ATP13A4: variants seen among roughly 807,000 people sequenced by gnomAD.
The protein encoded by ATP13A4 is ATPase 13A4, also known as probable cation-transporting ATPase 13A4.
A neutral mutation model predicts 142.5 loss-of-function variants in ATP13A4; 114 were observed. The ratio of observed to expected loss-of-function variants is 0.80; its 90% confidence interval spans 0.69 to 0.93. ATP13A4 has a LOEUF of 0.93. Ranked by LOEUF, ATP13A4 falls within the 40% of genes least tolerant of loss-of-function variation. The pLI is 0.00. For missense variants in ATP13A4, 1,392 were observed against 1,454.0 expected (o/e 0.96, Z 0.69); for synonymous variants, 488 against 514.8 (o/e 0.95, Z 0.70).
chr3:193,438,072 T>A (rs1309411558), intron 23 of ATP13A4, among the ~76,000 whole-genome samples: 2 of 152,130 alleles, frequency 1.3e-5, no homozygotes, highest in Non-Finnish European at 2.9e-5. Context: ...GACCTCGTGA[T>A]CTGCCCACCT....
chr3:193,406,664 T>C (rs1560166813), intron 29 of ATP13A4, among the ~76,000 whole-genome samples: 4 of 152,148 alleles, frequency 2.6e-5, no homozygotes, highest in Admixed American at 2.6e-4. Flanking sequence ...AGCTGGAGAA[T>C]GAAAGCCGGA....
chr3:193,544,104 A>G (rs1723093400), intron 1 of ATP13A4, among the ~76,000 whole-genome samples: 1 of 152,170 alleles, frequency 6.6e-6, no homozygotes, highest in African/African-American at 2.4e-5. Flanking sequence ...GACAGGCTCA[A>G]CTTCCCTCTT....
chr3:193,437,241 C>T (rs1560185750), intron 23 of ATP13A4, among the ~76,000 whole-genome samples: 4 of 150,218 alleles, frequency 2.7e-5, no homozygotes, highest in Admixed American at 2.7e-4. Context: ...GAGAGGTTCT[C>T]CTTAGAGAGG....
intron 9 of ATP13A4, among the ~76,000 whole-genome samples, chr3:193,469,996 A>G (rs1718526805): frequency 6.6e-6 from 1 of 152,188 alleles, no homozygotes; most frequent in Admixed American, 6.5e-5. Context: ...TTGTAAGCTA[A>G]CATAGGAAGA....
intron 20 of ATP13A4, among the ~76,000 whole-genome samples, chr3:193,441,062 A>C (rs1033101557): frequency 6.6e-6 from 1 of 151,988 alleles, no homozygotes; most frequent in African/African-American, 2.4e-5. Flanking sequence ...TAAAGCTTTA[A>C]GTTTGACCCT....
chr3:193,406,722 T>C (rs560289975), intron 29 of ATP13A4, among the ~76,000 whole-genome samples: 2 of 152,264 alleles, frequency 1.3e-5, no homozygotes, highest in East Asian at 1.9e-4. Context: ...AAAAATGATA[T>C]GAGTTAAGTG....
chr3:193,551,752 T>C (rs1214208823), intron 1 of ATP13A4, among the ~76,000 whole-genome samples: 1 of 152,190 alleles, frequency 6.6e-6, no homozygotes, highest in Non-Finnish European at 1.5e-5. Context: ...GTCCCAGTGC[T>C]CTCCCAGAGT....
At position 193,412,122 on chromosome 3, in the gene ATP13A4, T is replaced by C. The variant is rs962765269; in HGVS notation, c.3208+56A>G. On this transcript the variant is annotated intron_variant, in intron 27 of 29. Transcript: ENST00000342695. ...AGCTGTTCCCTAAGTGACCTGGACA[T>C]GTCTGTTCCCCTCTCTGATGACTTC... The C allele has an allele frequency of 6.8e-6, 10 of 1,478,500 alleles. No individual in the cohort carries two copies. The African/African-American group carries it at 1.3e-4, about 19-fold the overall frequency. 91.6% of individuals were successfully genotyped at this position (1,478,500 alleles called of 1,614,324 possible). A position where few individuals can be genotyped will look rare whatever the true frequency, so the allele number is the denominator to read the frequency against.
chr3:193,586,090 TACACACAC>T (rs60074904), intron 1 of ATP13A4, among the ~76,000 whole-genome samples: 56,133 of 150,770 alleles, frequency 0.37, 10,750 homozygotes, highest in African/African-American at 0.44. Context: ...TATACACACA[TACACACAC>T]ACACACACAC....
chr3:193,447,629 A>G (rs571723412), intron 18 of ATP13A4, among the ~76,000 whole-genome samples: 1 of 152,348 alleles, frequency 6.6e-6, no homozygotes, highest in South Asian at 2.1e-4. Flanking sequence ...TTTCATTAAT[A>G]AAGTCACACT....
At chr3:193,462,687 A>G in intron 13 of ATP13A4, 75 bp downstream of exon 13, 1 of 1,415,490 alleles carries the variant, frequency 7.1e-7, no homozygotes, top group South Asian at 1.2e-5. Context: ...TCCATTCTTA[A>G]TTTCAAGAGA....
chr3:193,411,664 T>C (rs1212444672), intron 27 of ATP13A4, among the ~76,000 whole-genome samples: 1 of 152,176 alleles, frequency 6.6e-6, no homozygotes, highest in East Asian at 1.9e-4. Context: ...CATCCAAACA[T>C]ACCTTCCTAC....
intron 2 of ATP13A4, among the ~76,000 whole-genome samples, chr3:193,564,591 C>T (rs1304843256): frequency 6.6e-6 from 1 of 152,124 alleles, no homozygotes; most frequent in Non-Finnish European, 1.5e-5. Context: ...CACAGATACA[C>T]CATGACATAT....
intron 2 of ATP13A4, among the ~76,000 whole-genome samples, chr3:193,570,786 T>A (rs959642950): frequency 1.4e-4 from 21 of 152,208 alleles, no homozygotes; most frequent in African/African-American, 4.6e-4. Flanking sequence ...AAATTATTTA[T>A]CTCTACAAGC....
At chr3:193,523,575 A>G (rs1721840116) in intron 1 of ATP13A4, among the ~76,000 whole-genome samples, 1 of 152,234 alleles carries the variant, frequency 6.6e-6, no homozygotes, top group Non-Finnish European at 1.5e-5. Flanking sequence ...TTCAGAGTTG[A>G]CAAACACAAC....
At chr3:193,437,190 A>C (rs1040951847) in intron 23 of ATP13A4, among the ~76,000 whole-genome samples, 2 of 150,352 alleles carry the variant, frequency 1.3e-5, no homozygotes, top group African/African-American at 4.9e-5. Flanking sequence ...GCCCAGAGGT[A>C]GTTTCTCCTT....
chr3:193,521,926 G>A (rs985016610), intron 1 of ATP13A4, among the ~76,000 whole-genome samples: 5 of 151,004 alleles, frequency 3.3e-5, no homozygotes, highest in African/African-American at 9.7e-5. Context: ...GAGCGAGACT[G>A]CATCTAAAAA....
chr3:193,435,653 A>T lies in ATP13A4; in HGVS notation c.2764T>A (p.Tyr922Asn). 3 of 1,613,106 alleles carry T rather than the reference A, an allele frequency of 1.9e-6. No individual in the cohort carries two copies. Among genetic ancestry groups the T allele is most frequent in the Non-Finnish European group, 2.5e-6 (3 of 1,179,112 alleles). ...MIQYVGVLLL[Y>N]WETNSLSNYQ... Reference sequence around the variant, plus strand: ...GGCTAAGTCCCAAGTCATACCCAGTAGAGCAGCAGAACACCAACATACTGA... The same window carrying T: ...GGCTAAGTCCCAAGTCATACCCAGTTGAGCAGCAGAACACCAACATACTGA... Residue 922 changes from tyrosine to asparagine, a missense_variant, in exon 24 of 30, where the codon TAC (tyrosine) becomes AAC (asparagine). Transcript: ENST00000342695.
chr3:193,494,089 C>T (rs1483552711), intron 3 of ATP13A4, among the ~76,000 whole-genome samples: 1 of 151,956 alleles, frequency 6.6e-6, no homozygotes, highest in Non-Finnish European at 1.5e-5. Flanking sequence ...GATTAACACT[C>T]ATGTGTATGC....
Sources: allele counts gnomAD v4.1 joint callset (sites outside exome capture counted in the v4.1 genomes callset), GRCh38; gene constraint gnomAD v4.1.1; transcripts MANE v1.5; gene names NCBI Gene and HGNC (gene_info 2026-07-23, HGNC 2026-07-21).